The following KCNB2 variants were observed in gnomAD, a reference collection of about 807,000 sequenced individuals.
KCNB2 encodes potassium voltage-gated channel subfamily B member 2.
In KCNB2, 15 loss-of-function variants were observed where a neutral mutation model predicts 61.5. The observed-to-expected ratio is 0.24, with a 90% CI of 0.16 to 0.38. KCNB2 has a LOEUF of 0.38. KCNB2 is among the 10% of genes least tolerant of loss of function. The pLI is 1.00. For missense variants in KCNB2, 828 were observed against 1,125.2 expected (o/e 0.74, Z 3.78); for synonymous variants, 457 against 446.0 (o/e 1.02, Z -0.31).
chr8:72,714,834 C>T (rs200578218), intron 2 of KCNB2, among the ~76,000 whole-genome samples: 1 of 151,928 alleles, frequency 6.6e-6, no homozygotes, highest in Admixed American at 6.6e-5. Flanking sequence ...TGTAAATGGG[C>T]TAAATGCTCC....
intron 2 of KCNB2, among the ~76,000 whole-genome samples, chr8:72,908,096 A>G (rs542178558): frequency 6.6e-6 from 1 of 151,704 alleles, no homozygotes; most frequent in East Asian, 1.9e-4. Flanking sequence ...TTTCTTGGGT[A>G]TTTTTTTTCA....
chr8:72,900,405 C>A (rs1390694355), intron 2 of KCNB2, among the ~76,000 whole-genome samples: 2 of 152,104 alleles, frequency 1.3e-5, no homozygotes, highest in East Asian at 3.9e-4. Context: ...AAGAGAAAAC[C>A]CAGGAAATAC....
chr8:72,715,865 A>C (rs1807428861), intron 2 of KCNB2, among the ~76,000 whole-genome samples: 1 of 152,194 alleles, frequency 6.6e-6, no homozygotes, highest in South Asian at 2.1e-4. Flanking sequence ...AAATCAATGA[A>C]TCCAGGAGCT....
chr8:72,568,249 G>C lies in KCNB2; in HGVS notation c.515G>C (p.Cys172Ser). Residue 172 changes from cysteine (C) to serine (S), a missense_variant, in exon 2 of 3, where the codon TGC (cysteine) becomes TCC (serine). Transcript: ENST00000523207. ...GGAGAAGAGTTTGATAATACCTGCT[G>C]CCCTGATAAAAGGAAGAAACTGTGG... ...REGEEFDNTCCPDKRKKLWDL... is the reference protein window; with the variant it reads ...REGEEFDNTCSPDKRKKLWDL... 1 of 1,614,010 alleles carries C rather than the reference G, an allele frequency of 6.2e-7. No homozygotes were observed. The highest frequency in any genetic ancestry group is 8.5e-7 in the Non-Finnish European group (1 of 1,179,998).
At chr8:72,539,301 G>A (rs528345828) in intron 1 of KCNB2, among the ~76,000 whole-genome samples, 1 of 152,226 alleles carries the variant, frequency 6.6e-6, no homozygotes, top group African/African-American at 2.4e-5. Context: ...GTGATTGCAT[G>A]GACTCTGAAA....
At chr8:72,605,450 G>A (rs978305944) in intron 2 of KCNB2, among the ~76,000 whole-genome samples, 2 of 152,108 alleles carry the variant, frequency 1.3e-5, no homozygotes, top group Non-Finnish European at 2.9e-5. Flanking sequence ...GAAAACCATT[G>A]CATGGCTTTA....
At chr8:72,581,100 C>T (rs1202269382) in intron 2 of KCNB2, among the ~76,000 whole-genome samples, 2 of 152,176 alleles carry the variant, frequency 1.3e-5, no homozygotes, top group African/African-American at 4.8e-5. Flanking sequence ...AGGTTGTTCA[C>T]TGAACTCAAC....
In KCNB2 at chr8:72,755,656, A is replaced by G. The variant is rs146406120; in HGVS notation, c.580-180279A>G. ...GTTAAAACCACAATTAGATATTACT[A>G]CACAATACCCGACAGTACACAATTC... On this transcript the variant is annotated intron_variant, in intron 2 of 2. Coordinates refer to ENST00000523207, the MANE Select transcript of KCNB2 (RefSeq NM_004770.3). Among the ~76,000 whole-genome samples the G allele has an allele frequency of 1.5e-3, 233 of 152,294 alleles. 1 individual carries two copies. The highest frequency in any genetic ancestry group is 6.8e-3 in the Middle Eastern group (2 of 294).
At chr8:72,784,206 T>A (rs1808811299) in intron 2 of KCNB2, among the ~76,000 whole-genome samples, 1 of 152,060 alleles carries the variant, frequency 6.6e-6, no homozygotes, top group African/African-American at 2.4e-5. Context: ...CAGAACTTCT[T>A]CATCTTATAA....
At chr8:72,854,093 A>G (rs564585617) in intron 2 of KCNB2, among the ~76,000 whole-genome samples, 2 of 152,320 alleles carry the variant, frequency 1.3e-5, no homozygotes, top group South Asian at 4.1e-4. Context: ...GTATTTATTT[A>G]CTTATTTATG....
intron 2 of KCNB2, among the ~76,000 whole-genome samples, chr8:72,721,365 A>G (rs1280462438): frequency 6.6e-6 from 1 of 152,216 alleles, no homozygotes; most frequent in Non-Finnish European, 1.5e-5. Flanking sequence ...TTTCTCCTTT[A>G]AAATAGAAGC....
chr8:72,647,094 G>A (rs546135989), intron 2 of KCNB2, among the ~76,000 whole-genome samples: 3 of 152,210 alleles, frequency 2.0e-5, no homozygotes, highest in East Asian at 3.9e-4. Context: ...CTGCAGCAGC[G>A]AGGTTGGCAG....
chr8:72,721,963 G>A (rs908727280), intron 2 of KCNB2, among the ~76,000 whole-genome samples: 1 of 152,162 alleles, frequency 6.6e-6, no homozygotes, highest in African/African-American at 2.4e-5. Context: ...TTTCTCCATT[G>A]AGAGTCCGTG....
intron 2 of KCNB2, among the ~76,000 whole-genome samples, chr8:72,795,766 C>A (rs993911189): frequency 6.6e-6 from 1 of 152,086 alleles, no homozygotes; most frequent in African/African-American, 2.4e-5. Flanking sequence ...ACATACCAAA[C>A]AAAGCCAAAA....
intron 2 of KCNB2, among the ~76,000 whole-genome samples, chr8:72,685,420 G>A (rs1032372662): frequency 6.6e-6 from 1 of 152,072 alleles, no homozygotes; most frequent in East Asian, 1.9e-4. Context: ...CCTTGTCCTA[G>A]AAGCTAGATG....
intron 2 of KCNB2, among the ~76,000 whole-genome samples, chr8:72,785,801 T>C (rs1452440506): frequency 6.6e-6 from 1 of 152,148 alleles, no homozygotes; most frequent in East Asian, 1.9e-4. Context: ...AAGATGAGAT[T>C]CCTTCATTCA....
At chr8:72,868,250 A>C (rs1805563530) in intron 2 of KCNB2, among the ~76,000 whole-genome samples, 1 of 151,000 alleles carries the variant, frequency 6.6e-6, no homozygotes, top group African/African-American at 2.4e-5. Context: ...CTTGCTCTTT[A>C]ATCATCACAC....
intron 2 of KCNB2, among the ~76,000 whole-genome samples, chr8:72,602,269 A>G (rs970477967): frequency 3.9e-5 from 6 of 152,278 alleles, no homozygotes; most frequent in Admixed American, 3.9e-4. Flanking sequence ...TTGTGATTGT[A>G]CCAGCCTAAA....
intron 2 of KCNB2, among the ~76,000 whole-genome samples, chr8:72,793,214 C>A (rs1808974811): frequency 1.3e-5 from 2 of 152,072 alleles, no homozygotes; most frequent in African/African-American, 4.8e-5. Context: ...TTTTACCAAA[C>A]TTAACATCCT....
Sources: allele counts gnomAD v4.1 joint callset (sites outside exome capture counted in the v4.1 genomes callset), GRCh38; gene constraint gnomAD v4.1.1; transcripts MANE v1.5; gene names NCBI Gene and HGNC (gene_info 2026-07-23, HGNC 2026-07-21).